Variants in ERICH2 observed in about 807,000 individuals in gnomAD.
ERICH2 encodes the protein glutamate rich 2.
Under a neutral mutation model 17.4 loss-of-function variants are expected in ERICH2, and 17 were observed. That is an observed-to-expected ratio of 0.98 (90% confidence interval 0.67 to 1.47). The LOEUF is 1.47. Among genes scored for constraint, ERICH2 ranks in the 40% most tolerant of loss-of-function variants. The pLI is 0.00. For missense variants in ERICH2, 186 were observed against 183.2 expected (o/e 1.01, Z -0.09); for synonymous variants, 51 against 61.1 (o/e 0.83, Z 0.77).
chr2:170,782,830 C>G (rs144147990), upstream of ERICH2, among the ~76,000 whole-genome samples: 196 of 152,296 alleles, frequency 1.3e-3, 1 homozygote, highest in African/African-American at 4.4e-3. Flanking sequence ...CTGTAACTCT[C>G]AGCACTTTGG....
the ERICH2 span, among the ~76,000 whole-genome samples, chr2:170,775,360 T>G: frequency 6.6e-6 from 1 of 151,712 alleles, no homozygotes; most frequent in Non-Finnish European, 1.5e-5. Flanking sequence ...TGAGCCCAGG[T>G]GATCGAGGCT....
chr2:170,784,923 A>T (rs1264838864), intron 2 of ERICH2, 90 bp downstream of exon 7: 2 of 1,078,894 alleles, frequency 1.9e-6, no homozygotes, highest in Admixed American at 7.2e-5. Context: ...TGTGAGAACT[A>T]AAAAAGTAGA....
At chr2:170,778,316 C>T in the ERICH2 span, among the ~76,000 whole-genome samples, 1 of 152,044 alleles carries the variant, frequency 6.6e-6, no homozygotes, top group South Asian at 2.1e-4. Context: ...TGAAAAATTA[C>T]AGCTTGAAAG....
intron 3 of ERICH2, among the ~76,000 whole-genome samples, chr2:170,794,909 T>A (rs566686397): frequency 1.1e-3 from 160 of 152,352 alleles, no homozygotes; most frequent in African/African-American, 3.7e-3. Flanking sequence ...AGGTAAATAA[T>A]CCTTTCAAGC....
the ERICH2 span, among the ~76,000 whole-genome samples, chr2:170,774,350 A>C: frequency 6.6e-6 from 1 of 152,150 alleles, no homozygotes; most frequent in Non-Finnish European, 1.5e-5. Context: ...TTGTTTCAAC[A>C]GTGTCCTTCC....
Position 170,792,840 on chromosome 2 carries a change from C to T in ERICH2, c.217-23C>T, listed in dbSNP as rs761653102. ...GTTGACAACATTTAAATTCACTTAT[C>T]TGAAGAATTTAATGTTTTCCAGTTT... On this transcript the variant is annotated intron_variant, in intron 2 of 4. Transcript: ENST00000409885. 6 of 1,445,472 alleles carry T rather than the reference C, an allele frequency of 4.2e-6. No individual in the cohort carries two copies. In the South Asian group the frequency reaches 8.4e-5, roughly 20 times the overall value. 89.5% of individuals were successfully genotyped at this position (1,445,472 alleles called of 1,614,324 possible). A position where few individuals can be genotyped will look rare whatever the true frequency, so the allele number is the denominator to read the frequency against.
At chr2:170,778,982 C>T (rs1700969161), upstream of ERICH2, among the ~76,000 whole-genome samples, 1 of 152,156 alleles carries the variant, frequency 6.6e-6, no homozygotes, top group African/African-American at 2.4e-5. Context: ...GTCCTAATTG[C>T]ATCTGCCTCT....
upstream of ERICH2, chr2:170,782,118 T>G: frequency 7.1e-6 from 1 of 140,778 alleles, no homozygotes; most frequent in Non-Finnish European, 1.4e-5. Context: ...ATACTACATT[T>G]TAGCTATTTA....
chr2:170,784,851 A>T lies in ERICH2; in HGVS notation c.216+18A>T. On this transcript the variant is annotated intron_variant, in intron 2 of 4. Transcript: ENST00000409885. ...TGGCAGAAGTAAGTTTTACTTGTGCATATAATTGAAGAAACTTTAAAATAT... is the reference window on the plus strand; with the variant it reads ...TGGCAGAAGTAAGTTTTACTTGTGCTTATAATTGAAGAAACTTTAAAATAT... 7.1e-7 allele frequency: 1 copy of T among 1,407,350 alleles called. No homozygotes were observed. The highest frequency in any genetic ancestry group is 9.3e-7 in the Non-Finnish European group (1 of 1,077,272). The allele number at this position is 1,407,350 out of a possible 1,614,324, so 87.2% of individuals were successfully genotyped here. A position where few individuals can be genotyped will look rare whatever the true frequency, so the allele number is the denominator to read the frequency against.
At chr2:170,781,631 T>TAA (rs59729388), upstream of ERICH2, among the ~76,000 whole-genome samples, 7 of 127,144 alleles carry the variant, frequency 5.5e-5, no homozygotes, top group Admixed American at 1.6e-4. Flanking sequence ...AGACTTGGTC[T>TAA]AAAAAAAAAA....
chr2:170,778,094 A>G, the ERICH2 span: 2 of 155,830 alleles, frequency 1.3e-5, no homozygotes, highest in African/African-American at 2.4e-5. Flanking sequence ...GAAAGTAATC[A>G]CCTCAACTAG....
chr2:170,788,641 T>G (rs1701211001), intron 2 of ERICH2, among the ~76,000 whole-genome samples: 1 of 151,750 alleles, frequency 6.6e-6, no homozygotes, highest in Admixed American at 6.6e-5. Context: ...CCAGCTAATT[T>G]TGTGTGTGTG....
chr2:170,783,446 G>T (rs1180658503), upstream of ERICH2, among the ~76,000 whole-genome samples: 1 of 152,148 alleles, frequency 6.6e-6, no homozygotes, highest in Non-Finnish European at 1.5e-5. Flanking sequence ...CTACTCAGGA[G>T]GCTAAGGCAC....
chr2:170,789,270 A>G (rs1003009274), intron 2 of ERICH2, among the ~76,000 whole-genome samples: 3 of 151,912 alleles, frequency 2.0e-5, no homozygotes, highest in African/African-American at 7.3e-5. Context: ...CATCCTAGAT[A>G]TATACTTCTG....
chr2:170,778,596 G>A, the ERICH2 span, among the ~76,000 whole-genome samples: 3 of 151,862 alleles, frequency 2.0e-5, no homozygotes, highest in African/African-American at 7.3e-5. Flanking sequence ...CAGTGACAGA[G>A]GACCTTATTT....
upstream of ERICH2, chr2:170,779,802 CTT>C: frequency 1.0e-6 from 1 of 982,932 alleles, no homozygotes; most frequent in South Asian, 4.7e-5. Context: ...GTAAATGCCT[CTT>C]TGGACGCAGA....
At chr2:170,786,327 C>T (rs1701159797) in intron 2 of ERICH2, among the ~76,000 whole-genome samples, 1 of 151,586 alleles carries the variant, frequency 6.6e-6, no homozygotes, top group East Asian at 1.9e-4. Flanking sequence ...TTTTTTAGGG[C>T]TTTGAACGGT....
the ERICH2 span, chr2:170,770,735 C>T: frequency 1.0e-3 from 162 of 155,238 alleles, no homozygotes; most frequent in Non-Finnish European, 1.7e-3. Flanking sequence ...TGAAGGTAAC[C>T]GGTGCGCGTG....
chr2:170,797,807 AAAAAAAAG>A (rs1338655664), intron 3 of ERICH2, among the ~76,000 whole-genome samples: 1 of 150,452 alleles, frequency 6.6e-6, no homozygotes, highest in East Asian at 1.9e-4. Flanking sequence ...AAAAAAAAAA[AAAAAAAAG>A]AAAGAAAGAA....
Sources: gnomAD v4.1 joint callset for allele counts (sites outside exome capture counted in the v4.1 genomes callset) on GRCh38, gnomAD v4.1.1 for gene constraint, MANE v1.5 for transcripts, NCBI Gene and HGNC (gene_info 2026-07-23, HGNC 2026-07-21) for gene names.